The following TTC7A variants were observed in gnomAD, a reference collection of about 807,000 sequenced individuals.
The protein encoded by TTC7A is tetratricopeptide repeat domain 7A.
In TTC7A, 110 loss-of-function variants were observed where a neutral mutation model predicts 103.7. That is an observed-to-expected ratio of 1.06 (90% confidence interval 0.91 to 1.24). The LOEUF (loss-of-function observed/expected upper bound fraction) is 1.24. Ranked by LOEUF, TTC7A falls within the 50% of genes most tolerant of loss-of-function variation. The probability of loss-of-function intolerance (pLI) is 0.00; values close to 1 mark genes in which losing one functional copy is unlikely to be tolerated. For synonymous variants in TTC7A, 521 were observed against 467.9 expected, an observed-to-expected ratio of 1.11 and a Z score of -1.47; for missense variants, 1,340 against 1,116.3, an observed-to-expected ratio of 1.20 and a Z score of -2.86.
At chr2:47,038,637 ACCCTCCCCCCACCCACC>A (rs1172339557) in intron 15 of TTC7A, among the ~76,000 whole-genome samples, 1 of 51,228 alleles carries the variant, frequency 2.0e-5, no homozygotes, top group African/African-American at 7.5e-5. Flanking sequence ...CTTCCCACCC[ACCCTCCCCCCACCCACC>A]CCCCCGACAC....
chr2:46,944,526 G>A (rs13016355), intron 1 of TTC7A, among the ~76,000 whole-genome samples: 6,263 of 151,960 alleles, frequency 0.041, 160 homozygotes, highest in Middle Eastern at 0.085. Context: ...AGGGCAGACT[G>A]GGCAACAAAG....
Position 47,073,924 on chromosome 2 carries a change from C to T in TTC7A, c.*1C>T, listed in dbSNP as rs776304180. The T allele has an allele frequency of 1.4e-5, 22 of 1,608,108 alleles. No homozygotes were observed. Among genetic ancestry groups the T allele is most frequent in the African/African-American group, 2.7e-5 (2 of 74,798 alleles). On this transcript the variant is annotated 3_prime_UTR_variant, in exon 20 of 20. Coordinates refer to ENST00000319190, the MANE Select transcript of TTC7A (RefSeq NM_020458.4). ...CTCCATCATCCCCAGAGAGCTCTGA[C>T]GACGCTGCAGCCGCAGGGAGGGAGG...
intron 1 of TTC7A, among the ~76,000 whole-genome samples, chr2:46,948,340 A>G (rs918239409): frequency 1.7e-4 from 26 of 152,196 alleles, no homozygotes; most frequent in African/African-American, 5.8e-4. Flanking sequence ...GACTGGATCT[A>G]TGGGGATGTT....
intron 2 of TTC7A, among the ~76,000 whole-genome samples, chr2:46,920,915 G>A (rs1429684968): frequency 6.7e-6 from 1 of 149,912 alleles, no homozygotes; most frequent in African/African-American, 2.5e-5. Context: ...ATGATCATAA[G>A]AAAAACTATA....
chr2:46,929,686 T>C (rs756776777), intron 2 of TTC7A, among the ~76,000 whole-genome samples: 5 of 152,036 alleles, frequency 3.3e-5, no homozygotes, highest in Non-Finnish European at 5.9e-5. Context: ...ATAAGAAAGA[T>C]TGAAAATTAA....
intron 3 of TTC7A, among the ~76,000 whole-genome samples, chr2:46,965,027 T>C (rs1004714596): frequency 1.3e-5 from 2 of 152,156 alleles, no homozygotes; most frequent in Admixed American, 6.5e-5. Flanking sequence ...GTGGTGCACA[T>C]GAACTGTGCA....
At chr2:47,012,832 C>A (rs1420010950) in intron 11 of TTC7A, among the ~76,000 whole-genome samples, 1 of 152,148 alleles carries the variant, frequency 6.6e-6, no homozygotes, top group African/African-American at 2.4e-5. Flanking sequence ...GTTCTCAGAT[C>A]CCTGTGTCTG....
At chr2:46,971,955 G>A (rs940174371) in intron 3 of TTC7A, among the ~76,000 whole-genome samples, 3 of 151,816 alleles carry the variant, frequency 2.0e-5, no homozygotes, top group Admixed American at 6.6e-5. Context: ...AGGAAGGGAC[G>A]GAGGTAGGGA....
intron 15 of TTC7A, chr2:47,045,496 C>T (rs903832579): frequency 2.0e-5 from 3 of 152,426 alleles, no homozygotes; most frequent in East Asian, 3.9e-4. Context: ...AAGGGCCACT[C>T]CCCACACTGG....
intron 5 of TTC7A, among the ~76,000 whole-genome samples, chr2:46,988,641 A>G (rs1675294170): frequency 6.6e-6 from 1 of 152,220 alleles, no homozygotes; most frequent in African/African-American, 2.4e-5. Flanking sequence ...ATACTTGGCT[A>G]ATCTCTATTG....
chr2:47,062,032 G>C (rs143168913), intron 19 of TTC7A, among the ~76,000 whole-genome samples: 4 of 152,340 alleles, frequency 2.6e-5, no homozygotes, highest in Non-Finnish European at 5.9e-5. Flanking sequence ...GAGGCATCAG[G>C]AGAATGGCTC....
chr2:46,958,459 G>C, intron 3 of TTC7A: 1 of 1,299,840 alleles, frequency 7.7e-7, no homozygotes, highest in Non-Finnish European at 1.0e-6. Context: ...GCTCAGGATG[G>C]ATTGCCCCCT....
chr2:47,069,547 T>C (rs933417319), intron 19 of TTC7A, among the ~76,000 whole-genome samples: 5 of 151,960 alleles, frequency 3.3e-5, no homozygotes, highest in African/African-American at 1.2e-4. Flanking sequence ...CTGGAAGGGT[T>C]TGCTCCCCTC....
intron 15 of TTC7A, among the ~76,000 whole-genome samples, chr2:47,038,879 T>G (rs541917682): frequency 6.6e-6 from 1 of 152,102 alleles, no homozygotes; most frequent in South Asian, 2.1e-4. Flanking sequence ...CTTCCGTTCT[T>G]CAGCAATTTG....
chr2:46,979,128 C>T (rs1429733803), intron 5 of TTC7A, among the ~76,000 whole-genome samples: 1 of 152,080 alleles, frequency 6.6e-6, no homozygotes, highest in Non-Finnish European at 1.5e-5. Flanking sequence ...AGCAATAAAG[C>T]CTGTGTGTGC....
intron 1 of TTC7A, chr2:46,917,079 A>G (rs1668840958): frequency 1.5e-6 from 1 of 674,404 alleles, no homozygotes; most frequent in Non-Finnish European, 2.7e-6. Context: ...CGCCACTGCC[A>G]TTGACGGTCT....
rs566642914 is a variant in TTC7A, at chr2:47,041,918, C to T, written c.1803-4397C>T. The stretch of plus-strand genomic sequence containing the variant: ...AGATTAAATTGAAATGACAGATTAA[C>T]GGGAAAAAAAACGTATTTAATTATA... On this transcript the variant is annotated intron_variant, in intron 15 of 19. Coordinates refer to ENST00000319190, the MANE Select transcript of TTC7A (RefSeq NM_020458.4). 3.5e-4 allele frequency among the ~76,000 whole-genome samples: 52 copies of T among 149,438 alleles called. No homozygotes were observed. The East Asian group carries it at 5.1e-3, about 15-fold the overall frequency.
rs1674703867 is a variant in TTC7A at position 46,983,610 on chromosome 2, A to AAGCC, written c.764+4704_764+4707dup. 2.0e-5 allele frequency among the ~76,000 whole-genome samples: 3 copies of AAGCC among 152,344 alleles called. No homozygotes were observed. In the South Asian group the frequency reaches 6.2e-4, roughly 32 times the overall value. On this transcript the variant is annotated intron_variant, in intron 5 of 19. Coordinates refer to ENST00000319190, the MANE Select transcript of TTC7A (RefSeq NM_020458.4). ...CACTTTAACTCCTCAGTGACTTATG[A>AAGCC]AGCCCGGCACGGACCTGGGGCAGTT...
intron 2 of TTC7A, among the ~76,000 whole-genome samples, chr2:46,954,299 C>T (rs1042527835): frequency 6.6e-6 from 1 of 152,084 alleles, no homozygotes; most frequent in Non-Finnish European, 1.5e-5. Flanking sequence ...GGGGATTGTT[C>T]CTCTGGTAAA....
Sources: gnomAD v4.1 joint callset for allele counts (sites outside exome capture counted in the v4.1 genomes callset) on GRCh38, gnomAD v4.1.1 for gene constraint, MANE v1.5 for transcripts, NCBI Gene and HGNC (gene_info 2026-07-23, HGNC 2026-07-21) for gene names.